Variants in SV2C observed in about 807,000 individuals in gnomAD.
SV2C encodes the protein solute carrier family 22 member B3.
In SV2C, 49 loss-of-function variants were observed where a neutral mutation model predicts 79.7. The ratio of observed to expected loss-of-function variants is 0.61; its 90% CI spans 0.49 to 0.78. The LOEUF (loss-of-function observed/expected upper bound fraction) is 0.78, where lower values mean the gene tolerates loss of function less well. SV2C is among the 30% of genes least tolerant of loss of function. SV2C has a pLI of 0.00. For synonymous variants in SV2C, 334 were observed against 333.2 expected (o/e 1.00, Z -0.03); for missense variants, 833 against 912.9 (o/e 0.91, Z 1.13).
In SV2C at chr5:76,328,065, A is replaced by G. The variant is rs1749063524; in HGVS notation, c.*2518A>G. 6.6e-6 allele frequency: 1 copy of G among 152,228 alleles called. No individual in the cohort carries two copies. Among genetic ancestry groups the G allele is most frequent in the South Asian group, 2.1e-4 (1 of 4,820 alleles). The allele number at this position is 152,228 out of a possible 1,614,324, so 9.4% of individuals were successfully genotyped here. A position where few individuals can be genotyped will look rare whatever the true frequency, so the allele number is the denominator to read the frequency against. On this transcript the variant is annotated 3_prime_UTR_variant, in exon 13 of 13. Coordinates refer to ENST00000502798, the MANE Select transcript of SV2C (RefSeq NM_014979.4). ...TTGTGCACTCTTCCCTGCCTCCTTG[A>G]GACTGTTCATCACCTTGATTTTCTA... is the stretch of plus-strand genomic sequence containing the variant.
intron 3 of SV2C, 81 bp from the exon 4 acceptor site, chr5:76,209,655 A>G: frequency 1.2e-5 from 16 of 1,376,620 alleles, no homozygotes; most frequent in Non-Finnish European, 1.5e-5. Flanking sequence ...GTGTTGTTAG[A>G]GTTTGCTTTG....
chr5:76,223,579 A>G (rs1745156465), intron 4 of SV2C, among the ~76,000 whole-genome samples: 1 of 149,172 alleles, frequency 6.7e-6, no homozygotes, highest in South Asian at 2.1e-4. Context: ...ATAAATCCTG[A>G]TTTGATACTT....
At chr5:76,324,690 T>TA (rs1748933186) in intron 12 of SV2C, among the ~76,000 whole-genome samples, 1 of 150,026 alleles carries the variant, frequency 6.7e-6, no homozygotes, top group Non-Finnish European at 1.5e-5. Context: ...CTACAAATAT[T>TA]TAAAAAAAAA....
chr5:76,326,710 C>T lies in SV2C; in HGVS notation c.*1163C>T, dbSNP rs1239306899. 2.0e-5 allele frequency: 3 copies of T among 152,610 alleles called. No individual in the cohort carries two copies. The East Asian group carries it at 5.8e-4, about 29-fold the overall frequency. 9.5% of individuals were successfully genotyped at this position (152,610 alleles called of 1,614,324 possible). On this transcript the variant is annotated 3_prime_UTR_variant, in exon 13 of 13. Coordinates refer to ENST00000502798, the MANE Select transcript of SV2C (RefSeq NM_014979.4). ...TCCTGGCTCCCTGTAAAATCACAGC[C>T]CGCCTGCACTCCTGAGGGCCCCTCT...
chr5:76,287,240 A>G (rs977288588), intron 6 of SV2C, among the ~76,000 whole-genome samples: 2 of 152,204 alleles, frequency 1.3e-5, no homozygotes, highest in Non-Finnish European at 2.9e-5. Context: ...CATTTCACAC[A>G]TGGCCATTTC....
At chr5:75,992,605 TG>T in the SV2C span, among the ~76,000 whole-genome samples, 55 of 152,054 alleles carry the variant, frequency 3.6e-4, no homozygotes, top group Non-Finnish European at 4.4e-5. Flanking sequence ...GATTGGTCAT[TG>T]CACATCTGTC....
intron 4 of SV2C, among the ~76,000 whole-genome samples, chr5:76,265,501 A>G (rs918997132): frequency 6.6e-6 from 1 of 152,164 alleles, no homozygotes; most frequent in African/African-American, 2.4e-5. Context: ...GGGGTATGAA[A>G]AAAACAAAAA....
chr5:75,963,436 A>G, the SV2C span, among the ~76,000 whole-genome samples: 1 of 152,138 alleles, frequency 6.6e-6, no homozygotes, highest in African/African-American at 2.4e-5. Context: ...CCGGGTTCAA[A>G]TGATCTTTTT....
the SV2C span, among the ~76,000 whole-genome samples, chr5:75,998,690 G>A: frequency 6.6e-6 from 1 of 151,684 alleles, no homozygotes; most frequent in African/African-American, 2.4e-5. Context: ...GTGTGTGTGT[G>A]TATTATACCA....
rs79458731 is a variant in SV2C at position 76,124,587 on chromosome 5, T to C, written c.-101-7063T>C. On this transcript the variant is annotated intron_variant, in intron 1 of 12. Transcript: ENST00000502798. ...TGTTAGAATCATAGATGTATAAATATCTTCTCCAAAATCTGCTCTCCATTC... is the reference window on the plus strand; with the variant it reads ...TGTTAGAATCATAGATGTATAAATACCTTCTCCAAAATCTGCTCTCCATTC... Among the ~76,000 whole-genome samples the C allele has an allele frequency of 2.4e-3, 363 of 152,326 alleles. 3 individuals are homozygous for C. The highest frequency in any genetic ancestry group is 8.5e-3 in the African/African-American group (354 of 41,576).
chr5:76,192,443 G>A (rs1425154778), intron 2 of SV2C, among the ~76,000 whole-genome samples: 5 of 152,184 alleles, frequency 3.3e-5, no homozygotes, highest in African/African-American at 4.8e-5. Flanking sequence ...AAGTCTGCCC[G>A]TCTGCAGCAT....
intron 10 of SV2C, 68 bp downstream of exon 10, chr5:76,298,995 G>A: frequency 1.2e-5 from 18 of 1,551,480 alleles, no homozygotes; most frequent in Middle Eastern, 1.9e-4. Flanking sequence ...ATAACCATGT[G>A]ATAATGTGGG....
intron 1 of SV2C, among the ~76,000 whole-genome samples, chr5:76,084,705 G>A (rs1747117756): frequency 6.6e-6 from 1 of 151,556 alleles, no homozygotes; most frequent in Admixed American, 6.6e-5. Flanking sequence ...CGGGGGTGGC[G>A]GGCGGGGGCA....
At chr5:76,251,695 G>A (rs1230287996) in intron 4 of SV2C, among the ~76,000 whole-genome samples, 1 of 152,084 alleles carries the variant, frequency 6.6e-6, no homozygotes, top group Non-Finnish European at 1.5e-5. Flanking sequence ...TGATATAAGC[G>A]CCACACTTTA....
intron 12 of SV2C, among the ~76,000 whole-genome samples, chr5:76,341,220 C>T (rs2937731): frequency 0.64 from 97,485 of 151,934 alleles, 32,254 homozygotes; most frequent in East Asian, 0.92. Context: ...TGTGAGCCAC[C>T]GTGCCCAGCC....
chr5:76,303,714 G>A (rs1748090515), intron 12 of SV2C, among the ~76,000 whole-genome samples: 1 of 152,112 alleles, frequency 6.6e-6, no homozygotes, highest in African/African-American at 2.4e-5. Flanking sequence ...CGGTGTTTCT[G>A]TTGTCAGAAA....
At chr5:75,949,439 G>A in the SV2C span, among the ~76,000 whole-genome samples, 7 of 151,886 alleles carry the variant, frequency 4.6e-5, no homozygotes, top group Non-Finnish European at 1.0e-4. Flanking sequence ...GTTGGAGACT[G>A]GTGTAGTAAT....
At chr5:76,298,400 C>G (rs922151024) in intron 9 of SV2C, among the ~76,000 whole-genome samples, 2 of 152,016 alleles carry the variant, frequency 1.3e-5, no homozygotes, top group Admixed American at 1.3e-4. Context: ...TAAGTTAGAG[C>G]CATTAACCCC....
chr5:75,911,007 C>T, the SV2C span: 1 of 1,028,518 alleles, frequency 9.7e-7, no homozygotes, highest in Non-Finnish European at 1.5e-6. Context: ...CTTACCTCAC[C>T]TACTAGTCCC....
Sources: allele counts gnomAD v4.1 joint callset (sites outside exome capture counted in the v4.1 genomes callset), GRCh38; gene constraint gnomAD v4.1.1; transcripts MANE v1.5; gene names NCBI Gene and HGNC (gene_info 2026-07-23, HGNC 2026-07-21).